The following LZTS1 variants were observed in gnomAD, a reference collection of about 807,000 sequenced individuals.
LZTS1 encodes leucine zipper putative tumor suppressor 1.
LZTS1 carries 31 observed loss-of-function variants against 45.8 expected under a neutral mutation model. That is an observed-to-expected ratio of 0.68 (90% CI 0.51 to 0.91). The LOEUF (loss-of-function observed/expected upper bound fraction) is 0.91, where lower values mean the gene tolerates loss of function less well. LZTS1 is among the 40% of genes least tolerant of loss of function. LZTS1 has a pLI of 0.00. For synonymous variants in LZTS1, 359 were observed against 357.3 expected, an observed-to-expected ratio of 1.00 and a Z score of -0.05; for missense variants, 821 against 788.9, an observed-to-expected ratio of 1.04 and a Z score of -0.49.
At chr8:20,296,083 C>T (rs543284918) in intron 1 of LZTS1, among the ~76,000 whole-genome samples, 1 of 152,308 alleles carries the variant, frequency 6.6e-6, no homozygotes, top group East Asian at 1.9e-4. Context: ...GGTGGAAGTA[C>T]AGCAAGTTGA....
At position 20,250,290 on chromosome 8, in the gene LZTS1, T is replaced by A; in HGVS notation, c.1223A>T (p.Lys408Met). 6.2e-7 allele frequency: 1 copy of A among 1,613,804 alleles called. No individual in the cohort carries two copies. Among genetic ancestry groups the A allele is most frequent in the Non-Finnish European group, 8.5e-7 (1 of 1,179,946 alleles). Residue 408 changes from lysine to methionine, a missense_variant, in exon 4 of 4, where the codon AAG becomes ATG. Coordinates refer to ENST00000381569, the MANE Select transcript of LZTS1 (RefSeq NM_021020.5). ...CTTGAGACCCAGGATCTCGCTAGCCTTGGCGTTCACCTCCGTCTGGGACTC... is the reference window on the plus strand; with the variant it reads ...CTTGAGACCCAGGATCTCGCTAGCCATGGCGTTCACCTCCGTCTGGGACTC... Reference protein sequence around the residue: ...LKESQTEVNAKASEILGLKAQ... With the variant: ...LKESQTEVNAMASEILGLKAQ...
chr8:20,301,886 C>A (rs1801085728), intron 1 of LZTS1, among the ~76,000 whole-genome samples: 1 of 152,128 alleles, frequency 6.6e-6, no homozygotes, highest in Admixed American at 6.5e-5. Flanking sequence ...AGCACACAGC[C>A]GCTGCTATAA....
chr8:20,270,185 C>A (rs1045407461), intron 1 of LZTS1, among the ~76,000 whole-genome samples: 1 of 152,270 alleles, frequency 6.6e-6, no homozygotes, highest in Admixed American at 6.5e-5. Flanking sequence ...GGTGGCATGT[C>A]CTAGGCCACT....
rs769191491 is a variant in LZTS1 at position 20,253,408 on chromosome 8, C to T, written c.523G>A (p.Gly175Ser). Residue 175 changes from glycine (G) to serine (S), a missense_variant, in exon 3 of 4, where the codon GGC becomes AGC. Transcript: ENST00000381569. ...GLCSGALSDS[G>S]RNSMSSLPTH... is the part of the protein sequence containing the mutation. ...GGCAGGCTGGACATGGAGTTCCGGC[C>T]GGAGTCTGACAGCGCCCCAGAGCAC... 2.5e-6 allele frequency: 4 copies of T among 1,611,624 alleles called. No homozygotes were observed. Among genetic ancestry groups the T allele is most frequent in the East Asian group, 2.2e-5 (1 of 44,834 alleles).
chr8:20,276,982 G>C (rs1585294795), intron 1 of LZTS1, among the ~76,000 whole-genome samples: 2 of 152,340 alleles, frequency 1.3e-5, no homozygotes, highest in East Asian at 1.9e-4. Flanking sequence ...ATGTTGAATA[G>C]GGGCTGGGTA....
chr8:20,258,880 C>A (rs188110881), intron 1 of LZTS1, among the ~76,000 whole-genome samples: 1 of 152,274 alleles, frequency 6.6e-6, no homozygotes, highest in Non-Finnish European at 1.5e-5. Context: ...ACCTTTCTGC[C>A]TCCCATTCCT....
intron 1 of LZTS1, among the ~76,000 whole-genome samples, chr8:20,264,339 T>C (rs1335743495): frequency 6.6e-6 from 1 of 152,212 alleles, no homozygotes; most frequent in Non-Finnish European, 1.5e-5. Flanking sequence ...TTATATATGA[T>C]TATTTTTCCA....
chr8:20,278,861 C>T (rs1162127497), intron 1 of LZTS1, among the ~76,000 whole-genome samples: 1 of 152,204 alleles, frequency 6.6e-6, no homozygotes, highest in Non-Finnish European at 1.5e-5. Flanking sequence ...TCTCCTCTCT[C>T]CAATAATTGT....
intron 1 of LZTS1, among the ~76,000 whole-genome samples, chr8:20,257,123 G>A (rs1181901915): frequency 6.6e-6 from 1 of 152,212 alleles, no homozygotes; most frequent in Non-Finnish European, 1.5e-5. Flanking sequence ...GCCAAGGTGG[G>A]CAGATCACTT....
intron 1 of LZTS1, among the ~76,000 whole-genome samples, chr8:20,288,236 G>A (rs143016624): frequency 6.6e-6 from 1 of 152,186 alleles, no homozygotes; most frequent in Non-Finnish European, 1.5e-5. Context: ...TCACCGCCTC[G>A]CTGCAGAATC....
Position 20,253,202 on chromosome 8 carries a change from G to A in LZTS1, c.729C>T (p.Asn243=), listed in dbSNP as rs1413779848. ...CACACGAGGGGCCCTTGTCTGCCTT[G>A]TTCGAGTGGCCCAGCTTGCTACCTC... ...SDGGSKLGHS[N]KADKGPSCVR... is the part of the protein sequence containing the mutation. Residue 243 remains asparagine, a synonymous_variant, in exon 3 of 4, where the codon AAC becomes AAT. Coordinates refer to ENST00000381569, the MANE Select transcript of LZTS1 (RefSeq NM_021020.5). 2 of 1,613,764 alleles carry A rather than the reference G, an allele frequency of 1.2e-6. No homozygotes were observed. Among genetic ancestry groups the A allele is most frequent in the Admixed American group, 1.7e-5 (1 of 60,020 alleles).
In LZTS1 at chr8:20,246,718, G is replaced by A. The variant is rs189313021; in HGVS notation, c.*3004C>T. 100 of 152,774 alleles carry A rather than the reference G, an allele frequency of 6.5e-4. No individual in the cohort carries two copies. Among genetic ancestry groups the A allele is most frequent in the African/African-American group, 2.3e-3 (95 of 41,596 alleles). 9.5% of individuals were successfully genotyped at this position (152,774 alleles called of 1,614,324 possible). A position where few individuals can be genotyped will look rare whatever the true frequency, so the allele number is the denominator to read the frequency against. On this transcript the variant is annotated 3_prime_UTR_variant, in exon 4 of 4. Coordinates refer to ENST00000381569, the MANE Select transcript of LZTS1 (RefSeq NM_021020.5). ...ACTGGGAGAGCTAGGAGGGAACCCCGTGACAGTCCAGTCGTTCCCAGGTCC... is the reference window on the plus strand; with the variant it reads ...ACTGGGAGAGCTAGGAGGGAACCCCATGACAGTCCAGTCGTTCCCAGGTCC...
At chr8:20,265,701 A>AAAG (rs1800340574) in intron 1 of LZTS1, among the ~76,000 whole-genome samples, 1 of 150,394 alleles carries the variant, frequency 6.6e-6, no homozygotes, top group Non-Finnish European at 1.5e-5. Context: ...AAAAAAAAAA[A>AAAG]AGGCAGGGGA....
chr8:20,249,596 G>T lies in LZTS1; in HGVS notation c.*126C>A. On this transcript the variant is annotated 3_prime_UTR_variant, in exon 4 of 4. Transcript: ENST00000381569. ...AGGCCATCCTGCCCTCCCCTCGGGG[G>T]TCCTGGGTCTGTGTCCCAGGGAGTG... 1 of 1,208,416 alleles carries T rather than the reference G, an allele frequency of 8.3e-7. No homozygotes were observed. Among genetic ancestry groups the T allele is most frequent in the Non-Finnish European group, 1.1e-6 (1 of 879,640 alleles). 74.9% of individuals were successfully genotyped at this position (1,208,416 alleles called of 1,614,324 possible).
chr8:20,273,554 A>T (rs1291476228), intron 1 of LZTS1, among the ~76,000 whole-genome samples: 1 of 152,054 alleles, frequency 6.6e-6, no homozygotes, highest in Non-Finnish European at 1.5e-5. Context: ...GGTGTTAGTG[A>T]ACAGCACAAC....
chr8:20,281,163 T>C (rs1433070562), intron 1 of LZTS1, among the ~76,000 whole-genome samples: 1 of 152,148 alleles, frequency 6.6e-6, no homozygotes, highest in African/African-American at 2.4e-5. Context: ...AGGATATCAT[T>C]TGGATGTTTG....
At chr8:20,300,521 AC>A (rs1467658293) in intron 1 of LZTS1, among the ~76,000 whole-genome samples, 1 of 151,862 alleles carries the variant, frequency 6.6e-6, no homozygotes, top group East Asian at 2.0e-4. Flanking sequence ...TTTAGTAGAG[AC>A]GGTGTTTCAC....
chr8:20,301,983 T>A (rs1801087379), intron 1 of LZTS1, among the ~76,000 whole-genome samples: 1 of 152,028 alleles, frequency 6.6e-6, no homozygotes, highest in African/African-American at 2.4e-5. Context: ...TGCCCGTTCT[T>A]TTTCTACTAG....
At chr8:20,254,127 A>G (rs1193119445) in intron 2 of LZTS1, among the ~76,000 whole-genome samples, 1 of 152,222 alleles carries the variant, frequency 6.6e-6, no homozygotes, top group East Asian at 1.9e-4. Context: ...TGAATGCTCT[A>G]TGCAAACATA....
Sources: gnomAD v4.1 joint callset for allele counts (sites outside exome capture counted in the v4.1 genomes callset) on GRCh38, gnomAD v4.1.1 for gene constraint, MANE v1.5 for transcripts, NCBI Gene and HGNC (gene_info 2026-07-23, HGNC 2026-07-21) for gene names.